The following HCFC2 variants were observed in gnomAD, a reference collection of about 807,000 sequenced individuals.
HCFC2 encodes the protein host cell factor 2.
Under a neutral mutation model 89.2 loss-of-function variants are expected in HCFC2, and 18 were observed. The observed-to-expected ratio is 0.20, with a 90% confidence interval of 0.14 to 0.30. The LOEUF is 0.30. Ranked by LOEUF, HCFC2 falls within the 10% of genes least tolerant of loss-of-function variation. The pLI is 1.00. For missense variants in HCFC2, 578 were observed against 956.1 expected (o/e 0.60, Z 5.21); for synonymous variants, 308 against 335.7 (o/e 0.92, Z 0.90).
At chr12:104,085,163 G>A (rs1005455109) in intron 7 of HCFC2, among the ~76,000 whole-genome samples, 14 of 152,178 alleles carry the variant, frequency 9.2e-5, no homozygotes, top group Middle Eastern at 3.2e-3. Context: ...CATTATCTGA[G>A]AGCTGAGATT....
intron 2 of HCFC2, 86 bp from the exon 3 acceptor site, chr12:104,067,861 T>C: frequency 8.2e-7 from 1 of 1,226,160 alleles, no homozygotes. Context: ...TAGATTAAAA[T>C]GTATTGATAT....
chr12:104,083,919 G>A (rs1204473332), intron 7 of HCFC2, among the ~76,000 whole-genome samples: 1 of 152,076 alleles, frequency 6.6e-6, no homozygotes, highest in Non-Finnish European at 1.5e-5. Flanking sequence ...AGCTTCTTGG[G>A]AGGCTGAGGC....
intron 13 of HCFC2, among the ~76,000 whole-genome samples, chr12:104,098,755 C>G (rs1467168788): frequency 6.6e-6 from 1 of 152,190 alleles, no homozygotes; most frequent in Admixed American, 6.5e-5. Context: ...AATCCCAGCA[C>G]TTTGGGAGGC....
chr12:104,096,989 A>G (rs982225106), intron 12 of HCFC2, among the ~76,000 whole-genome samples: 1 of 152,160 alleles, frequency 6.6e-6, no homozygotes, highest in Non-Finnish European at 1.5e-5. Flanking sequence ...ATAATCTCTG[A>G]TATTTGGTTG....
rs1426840485 is a variant in HCFC2 at position 104,068,356 on chromosome 12, T to C, written c.473+249T>C. Among the ~76,000 whole-genome samples, 1 of 152,216 alleles carries C rather than the reference T, an allele frequency of 6.6e-6. No homozygotes were observed. The highest frequency in any genetic ancestry group is 1.5e-5 in the Non-Finnish European group (1 of 68,038). The stretch of plus-strand genomic sequence containing the variant: ...ACTGTGTCTTTCTAATGAGAAATCA[T>C]CTTATTAAATTAATATTAATGTAAC... On this transcript the variant is annotated intron_variant, in intron 3 of 14. Transcript: ENST00000229330. This position sits in a 1 kb window ranked among gnomAD's most constrained non-coding sequence, Gnocchi z 4.1.
At chr12:104,071,951 A>G (rs71466292) in intron 3 of HCFC2, among the ~76,000 whole-genome samples, 10 of 152,306 alleles carry the variant, frequency 6.6e-5, no homozygotes, top group Middle Eastern at 3.4e-3. Flanking sequence ...AGCCATTCAT[A>G]TATCTTTGGT....
At chr12:104,094,201 G>A (rs537244092) in intron 10 of HCFC2, among the ~76,000 whole-genome samples, 161 of 152,190 alleles carry the variant, frequency 1.1e-3, no homozygotes, top group African/African-American at 3.5e-3. Context: ...ATGGGCAGTC[G>A]GATACTTAGG....
intron 7 of HCFC2, among the ~76,000 whole-genome samples, chr12:104,085,885 C>G (rs559179720): frequency 6.4e-4 from 96 of 151,164 alleles, no homozygotes; most frequent in African/African-American, 2.3e-3. Context: ...ACTTCCATAT[C>G]TCTATATCAC....
chr12:104,069,647 T>C (rs1204013896), intron 3 of HCFC2, among the ~76,000 whole-genome samples: 6 of 152,180 alleles, frequency 3.9e-5, no homozygotes. Context: ...TAGTATATTT[T>C]TTTCTTTCTT....
chr12:104,086,890 T>C lies in HCFC2; in HGVS notation c.1107T>C (p.Thr369=), dbSNP rs559457198. The change falls in exon 8 of 15, where the codon ACT becomes ACC. Residue 369 remains threonine, a synonymous_variant. Coordinates refer to ENST00000229330, the MANE Select transcript of HCFC2 (RefSeq NM_013320.3). ...CTCAAGTACAGCTGATCAAAGCCACTACCAACTCCTTTCATGTCAAGTGGG... is the reference window on the plus strand; with the variant it reads ...CTCAAGTACAGCTGATCAAAGCCACCACCAACTCCTTTCATGTCAAGTGGG... ...APSQVQLIKA[T]TNSFHVKWDE... The C allele has an allele frequency of 6.2e-7, 1 of 1,613,982 alleles. No homozygotes were observed. The highest frequency in any genetic ancestry group is 1.1e-5 in the South Asian group (1 of 91,078).
chr12:104,078,588 G>T (rs1424796965), intron 3 of HCFC2, among the ~76,000 whole-genome samples: 1 of 152,132 alleles, frequency 6.6e-6, no homozygotes, highest in Admixed American at 6.6e-5. Flanking sequence ...TTACAAAGCA[G>T]CATTTTTAGT....
At chr12:104,087,451 G>A (rs1179463585) in intron 8 of HCFC2, among the ~76,000 whole-genome samples, 1 of 77,442 alleles carries the variant, frequency 1.3e-5, no homozygotes, top group African/African-American at 4.8e-5. Context: ...GTATGTGTGT[G>A]TGTATATATA....
intron 7 of HCFC2, 30 bp downstream of exon 7, chr12:104,082,931 T>C (rs781072546): frequency 3.9e-6 from 6 of 1,535,446 alleles, no homozygotes; most frequent in Non-Finnish European, 5.3e-6. Context: ...AAATAAACTT[T>C]TTCCTTTAGG....
chr12:104,099,836 T>C (rs1376287582), intron 13 of HCFC2, among the ~76,000 whole-genome samples: 3 of 152,072 alleles, frequency 2.0e-5, no homozygotes, highest in African/African-American at 7.2e-5. Context: ...CAGCTAATTT[T>C]TGTAGAGACT....
intron 3 of HCFC2, among the ~76,000 whole-genome samples, chr12:104,078,585 G>A (rs1566228508): frequency 6.6e-6 from 1 of 152,162 alleles, no homozygotes; most frequent in Non-Finnish European, 1.5e-5. Context: ...AAGTTACAAA[G>A]CAGCATTTTT....
chr12:104,099,043 G>A (rs1884259380), intron 13 of HCFC2, among the ~76,000 whole-genome samples: 1 of 152,080 alleles, frequency 6.6e-6, no homozygotes, highest in Non-Finnish European at 1.5e-5. Flanking sequence ...GATGGCTCAA[G>A]GTTCCACAGG....
chr12:104,101,930 G>T (rs1169419711), intron 13 of HCFC2, 38 bp from the exon 14 acceptor site: 6 of 1,350,166 alleles, frequency 4.4e-6, no homozygotes, highest in Non-Finnish European at 6.0e-6. Context: ...TATATTAGTT[G>T]TACCTTTTCT....
intron 13 of HCFC2, among the ~76,000 whole-genome samples, chr12:104,100,915 A>C (rs1215373692): frequency 6.6e-6 from 1 of 152,154 alleles, no homozygotes; most frequent in South Asian, 2.1e-4. Flanking sequence ...AGAGCTAGTA[A>C]ACTTAGGTTT....
chr12:104,070,518 T>C (rs1366784563), intron 3 of HCFC2, among the ~76,000 whole-genome samples: 1 of 152,190 alleles, frequency 6.6e-6, no homozygotes, highest in Non-Finnish European at 1.5e-5. Context: ...TTTCCTTCAC[T>C]GTGAAATGGG....
Sources: gnomAD v4.1 joint callset for allele counts (sites outside exome capture counted in the v4.1 genomes callset) on GRCh38, gnomAD v4.1.1 for gene constraint, Gnocchi (gnomAD v3.1) non-coding constraint, MANE v1.5 for transcripts, NCBI Gene and HGNC (gene_info 2026-07-23, HGNC 2026-07-21) for gene names.